Variants in RPS6KA5 observed in about 807,000 individuals in gnomAD.
RPS6KA5 encodes ribosomal protein S6 kinase alpha-5.
RPS6KA5 carries 27 observed loss-of-function variants against 85.5 expected under a neutral mutation model. That is an observed-to-expected ratio of 0.32 (90% confidence interval 0.23 to 0.44). The LOEUF (loss-of-function observed/expected upper bound fraction) is 0.44, where lower values mean the gene tolerates loss of function less well. RPS6KA5 is among the 20% of genes least tolerant of loss of function. The pLI, the probability that RPS6KA5 is intolerant of heterozygous loss-of-function variation, is 1.00. For missense variants in RPS6KA5, 811 were observed against 980.9 expected, an observed-to-expected ratio of 0.83 and a Z score of 2.31; for synonymous variants, 334 against 348.2, an observed-to-expected ratio of 0.96 and a Z score of 0.46.
chr14:90,963,931 C>T (rs1431575214), intron 3 of RPS6KA5, among the ~76,000 whole-genome samples: 1 of 152,132 alleles, frequency 6.6e-6, no homozygotes, highest in Non-Finnish European at 1.5e-5. Context: ...GAGGGAAAGA[C>T]AAGCTGAGGC....
intron 3 of RPS6KA5, among the ~76,000 whole-genome samples, chr14:90,970,013 CTT>C (rs1386826525): frequency 6.6e-6 from 1 of 152,144 alleles, no homozygotes; most frequent in Non-Finnish European, 1.5e-5. Flanking sequence ...CCAAATCTCT[CTT>C]GATAGCTCCC....
At chr14:90,886,056 G>C (rs1031422513) in intron 14 of RPS6KA5, among the ~76,000 whole-genome samples, 1 of 151,716 alleles carries the variant, frequency 6.6e-6, no homozygotes, top group Non-Finnish European at 1.5e-5. Flanking sequence ...CTGTAGCAAG[G>C]TATAGCTCTA....
intron 7 of RPS6KA5, among the ~76,000 whole-genome samples, chr14:90,917,723 C>T (rs1298693368): frequency 1.8e-5 from 2 of 108,882 alleles, no homozygotes; most frequent in Non-Finnish European, 3.9e-5. Context: ...AGAGTATAAA[C>T]AAATCATTCC....
chr14:90,995,062 T>C (rs551271401), intron 2 of RPS6KA5, among the ~76,000 whole-genome samples: 1 of 152,276 alleles, frequency 6.6e-6, no homozygotes, highest in East Asian at 1.9e-4. Flanking sequence ...TGTTTTGTTT[T>C]TAATATAAGA....
chr14:90,928,548 C>T (rs2036803496), intron 5 of RPS6KA5, among the ~76,000 whole-genome samples: 1 of 151,492 alleles, frequency 6.6e-6, no homozygotes, highest in South Asian at 2.1e-4. Context: ...TAAAATAAAA[C>T]ATTACTATAG....
At chr14:91,023,841 T>C (rs1307378721) in intron 1 of RPS6KA5, among the ~76,000 whole-genome samples, 1 of 152,226 alleles carries the variant, frequency 6.6e-6, no homozygotes. Flanking sequence ...CACTCAATAT[T>C]GAAGTCTAAT....
intron 3 of RPS6KA5, among the ~76,000 whole-genome samples, chr14:90,953,546 C>A (rs1169844166): frequency 6.6e-6 from 1 of 152,142 alleles, no homozygotes; most frequent in East Asian, 1.9e-4. Context: ...CAGGGTTGGG[C>A]AAAATAGAGC....
chr14:90,989,671 A>T (rs1265459440), intron 2 of RPS6KA5, among the ~76,000 whole-genome samples: 1 of 152,208 alleles, frequency 6.6e-6, no homozygotes, highest in Non-Finnish European at 1.5e-5. Flanking sequence ...GAGAGATTAA[A>T]AAAGAAATAA....
chr14:90,989,382 G>A (rs772491968), intron 2 of RPS6KA5, among the ~76,000 whole-genome samples: 3 of 152,170 alleles, frequency 2.0e-5, no homozygotes, highest in Non-Finnish European at 2.9e-5. Flanking sequence ...CCAGAAGAGT[G>A]AATCAACTTG....
chr14:90,878,979 C>T (rs1277657569), intron 14 of RPS6KA5, among the ~76,000 whole-genome samples: 2 of 152,162 alleles, frequency 1.3e-5, no homozygotes, highest in African/African-American at 4.8e-5. Context: ...GACTCTCTCG[C>T]AGCCACAACA....
chr14:91,052,874 A>C (rs2139956222), intron 1 of RPS6KA5, among the ~76,000 whole-genome samples: 1 of 151,560 alleles, frequency 6.6e-6, no homozygotes, highest in African/African-American at 2.4e-5. Flanking sequence ...TTGGTGACAG[A>C]ACTCAATCAA....
intron 1 of RPS6KA5, among the ~76,000 whole-genome samples, chr14:91,059,076 C>G (rs2043472915): frequency 6.6e-6 from 1 of 152,134 alleles, no homozygotes; most frequent in African/African-American, 2.4e-5. Context: ...GCCTGTAATC[C>G]CAGCACTTTG....
chr14:90,950,693 G>A (rs961110634), intron 3 of RPS6KA5, among the ~76,000 whole-genome samples: 1 of 152,194 alleles, frequency 6.6e-6, no homozygotes, highest in African/African-American at 2.4e-5. Flanking sequence ...TAAACTGATT[G>A]ACTTTTGGTT....
chr14:91,018,491 G>A (rs549000657), intron 1 of RPS6KA5, among the ~76,000 whole-genome samples: 3 of 152,314 alleles, frequency 2.0e-5, no homozygotes, highest in South Asian at 4.1e-4. Flanking sequence ...CCATCCAATC[G>A]GCTGCCAGCA....
chr14:90,994,793 C>T (rs1214620433), intron 2 of RPS6KA5, among the ~76,000 whole-genome samples: 3 of 151,548 alleles, frequency 2.0e-5, no homozygotes, highest in Middle Eastern at 3.4e-3. Context: ...AGGATGGTCT[C>T]GATCTCCTGA....
At chr14:90,961,215 T>A (rs1014555863) in intron 3 of RPS6KA5, among the ~76,000 whole-genome samples, 2 of 152,224 alleles carry the variant, frequency 1.3e-5, no homozygotes, top group Non-Finnish European at 2.9e-5. Context: ...AATAATGCTA[T>A]GAAGTAGGTA....
chr14:91,036,480 G>C (rs986388299), intron 1 of RPS6KA5, among the ~76,000 whole-genome samples: 1 of 152,286 alleles, frequency 6.6e-6, no homozygotes, highest in Admixed American at 6.5e-5. Context: ...TAGGAAGGCA[G>C]GTAGACAAAC....
intron 14 of RPS6KA5, among the ~76,000 whole-genome samples, chr14:90,882,157 A>G (rs1283180214): frequency 1.3e-5 from 2 of 151,820 alleles, no homozygotes; most frequent in Non-Finnish European, 2.9e-5. Context: ...TTCTATAGCT[A>G]TTTTCTTTGT....
Position 90,863,690 on chromosome 14 carries a change from A to G in RPS6KA5, c.*8384T>C, listed in dbSNP as rs1321540887. The G allele has an allele frequency of 1.3e-5, 2 of 152,212 alleles. No homozygotes were observed. The highest frequency in any genetic ancestry group is 4.8e-5 in the African/African-American group (2 of 41,462). 9.4% of individuals were successfully genotyped at this position (152,212 alleles called of 1,614,324 possible). A position where few individuals can be genotyped will look rare whatever the true frequency, so the allele number is the denominator to read the frequency against. On this transcript the variant is annotated 3_prime_UTR_variant, in exon 17 of 17. Transcript: ENST00000614987. ...AAAACTGTCAAAAACCTAGATATAA[A>G]TCTAACCTCTACATGTAAATCTATA...
Sources: gnomAD v4.1 joint callset for allele counts (sites outside exome capture counted in the v4.1 genomes callset) on GRCh38, gnomAD v4.1.1 for gene constraint, MANE v1.5 for transcripts, NCBI Gene and HGNC (gene_info 2026-07-23, HGNC 2026-07-21) for gene names.